The following RPA1 variants were observed in gnomAD, a reference collection of about 807,000 sequenced individuals.
RPA1 encodes the protein replication protein A 70 kDa DNA-binding subunit.
Under a neutral mutation model 83.0 loss-of-function variants are expected in RPA1, and 49 were observed. The observed-to-expected ratio is 0.59, with a 90% CI of 0.47 to 0.75. RPA1 has a LOEUF of 0.75. Ranked by LOEUF, RPA1 falls within the 30% of genes least tolerant of loss-of-function variation. The pLI is 0.00. For missense variants in RPA1, 693 were observed against 776.1 expected, an observed-to-expected ratio of 0.89 and a Z score of 1.27; for synonymous variants, 279 against 281.8, an observed-to-expected ratio of 0.99 and a Z score of 0.10.
intron 1 of RPA1, among the ~76,000 whole-genome samples, chr17:1,833,639 G>A (rs2151265059): frequency 6.6e-6 from 1 of 151,980 alleles, no homozygotes; most frequent in East Asian, 1.9e-4. Context: ...CAGATCACCT[G>A]AGATTGGGAG....
At position 1,879,391 on chromosome 17, in the gene RPA1, G is replaced by A. The variant is rs765247029; in HGVS notation, c.936G>A (p.Ser312=). The A allele has an allele frequency of 1.6e-5, 26 of 1,613,990 alleles. No homozygotes were observed. Among genetic ancestry groups the A allele is most frequent in the East Asian group, 1.1e-4 (5 of 44,896 alleles). Residue 312 remains serine, a synonymous_variant, in exon 10 of 17, where the codon TCG becomes TCA. Coordinates refer to ENST00000254719, the MANE Select transcript of RPA1 (RefSeq NM_002945.5). ...FTGIDDLENK[S]KDSLVDIIGI... The stretch of plus-strand genomic sequence containing the variant: ...GGATTGATGACCTCGAGAACAAGTC[G>A]AAAGACTCACTTGTAGGTAAGCTCG...
chr17:1,858,904 A>ATT (rs1258736709), intron 5 of RPA1, among the ~76,000 whole-genome samples: 8 of 79,082 alleles, frequency 1.0e-4, no homozygotes, highest in South Asian at 3.8e-4. Context: ...TTTTTATTTT[A>ATT]TTTTTTTTTT....
intron 15 of RPA1, among the ~76,000 whole-genome samples, chr17:1,892,768 C>G (rs921794817): frequency 6.6e-6 from 1 of 152,228 alleles, no homozygotes; most frequent in African/African-American, 2.4e-5. Context: ...CGGTGACTTT[C>G]TTCCGTAAGG....
At chr17:1,872,573 G>A (rs373032670) in intron 6 of RPA1, 47 bp downstream of exon 6, 9 of 1,599,032 alleles carry the variant, frequency 5.6e-6, no homozygotes, top group African/African-American at 5.3e-5. Context: ...GTCAGACTTC[G>A]GAATCATGTT....
intron 12 of RPA1, 63 bp downstream of exon 12, chr17:1,880,754 A>G (rs1913762318): frequency 1.3e-6 from 2 of 1,596,642 alleles, no homozygotes; most frequent in Non-Finnish European, 1.7e-6. Context: ...AGCTGGTTAC[A>G]ATCAGCATGG....
Position 1,841,835 on chromosome 17 carries a change from T to G in RPA1, c.34-968T>G, listed in dbSNP as rs373186740. Among the ~76,000 whole-genome samples the G allele has an allele frequency of 3.3e-5, 5 of 152,178 alleles. No homozygotes were observed. In the South Asian group the frequency reaches 6.2e-4, roughly 19 times the overall value. On this transcript the variant is annotated intron_variant, in intron 1 of 16. Transcript: ENST00000254719. ...TAGTTTGCTGAGACTTTATAATGAG[T>G]AAGTGTTGCCTTTTCCGTATCTATT... is the stretch of plus-strand genomic sequence containing the variant.
chr17:1,850,616 G>A (rs1312004010), intron 4 of RPA1, among the ~76,000 whole-genome samples: 2 of 151,120 alleles, frequency 1.3e-5, no homozygotes, highest in East Asian at 3.9e-4. Context: ...AAAATCCTAG[G>A]CTGTGCTGGT....
chr17:1,875,162 C>A lies in RPA1; in HGVS notation c.455-499C>A, dbSNP rs563784000. The stretch of plus-strand genomic sequence containing the variant: ...TCTTACAGACTTCATTCTAGACTTG[C>A]TAGTCCTTCAGACGCATTGAGATCT... On this transcript the variant is annotated intron_variant, in intron 6 of 16. Coordinates refer to ENST00000254719, the MANE Select transcript of RPA1 (RefSeq NM_002945.5). Among the ~76,000 whole-genome samples, 14 of 152,326 alleles carry A rather than the reference C, an allele frequency of 9.2e-5. No individual in the cohort carries two copies. The South Asian group carries it at 2.7e-3, about 29-fold the overall frequency.
intron 12 of RPA1, among the ~76,000 whole-genome samples, chr17:1,883,365 G>A (rs891240343): frequency 6.6e-6 from 1 of 152,056 alleles, no homozygotes; most frequent in Non-Finnish European, 1.5e-5. Context: ...GTTTCACCAT[G>A]TTGGCCAGGA....
At chr17:1,841,150 A>T (rs1912032680) in intron 1 of RPA1, among the ~76,000 whole-genome samples, 2 of 152,218 alleles carry the variant, frequency 1.3e-5, no homozygotes, top group South Asian at 4.1e-4. Context: ...GTTTATTGCT[A>T]GTATATTGAA....
At chr17:1,858,803 A>G (rs185251753) in intron 5 of RPA1, among the ~76,000 whole-genome samples, 4 of 152,160 alleles carry the variant, frequency 2.6e-5, no homozygotes, top group African/African-American at 9.6e-5. Flanking sequence ...CTTGATATCT[A>G]ATTTAATTCT....
intron 1 of RPA1, among the ~76,000 whole-genome samples, chr17:1,831,898 CTTTTTTTTTT>C (rs138268342): frequency 5.3e-5 from 2 of 37,816 alleles, no homozygotes; most frequent in East Asian, 7.9e-4. Context: ...TGTGCCCGGC[CTTTTTTTTTT>C]TTTTTTTTTT....
At chr17:1,849,144 G>A (rs955061582) in intron 4 of RPA1, among the ~76,000 whole-genome samples, 28 of 152,186 alleles carry the variant, frequency 1.8e-4, no homozygotes, top group Admixed American at 1.0e-3. Flanking sequence ...TGCCAACAGC[G>A]CGTGAGTGTG....
intron 5 of RPA1, among the ~76,000 whole-genome samples, chr17:1,863,674 CCAGT>C (rs1445120828): frequency 6.6e-6 from 1 of 152,146 alleles, no homozygotes; most frequent in Non-Finnish European, 1.5e-5. Flanking sequence ...ATTTAAATGG[CCAGT>C]CAGATTGAAG....
rs9914073 is a variant in RPA1 at position 1,898,298 on chromosome 17, A to C, written c.*1123A>C. On this transcript the variant is annotated 3_prime_UTR_variant, in exon 17 of 17. Coordinates refer to ENST00000254719, the MANE Select transcript of RPA1 (RefSeq NM_002945.5). ...TGCCTGAGGATGCTGATGATCTGGC[A>C]CTTGGGATTTTATTGATGTTTACGC... 6.6e-6 allele frequency: 1 copy of C among 152,072 alleles called. No individual in the cohort carries two copies. The highest frequency in any genetic ancestry group is 1.5e-5 in the Non-Finnish European group (1 of 68,018). The allele number at this position is 152,072 out of a possible 1,614,324, so 9.4% of individuals were successfully genotyped here.
rs913380482 is a variant in RPA1 at position 1,899,127 on chromosome 17, CCCAGGGGCAGTG to C, written c.*1960_*1971del. The C allele has an allele frequency of 6.5e-5, 10 of 152,858 alleles. No individual in the cohort carries two copies. Among genetic ancestry groups the C allele is most frequent in the Non-Finnish European group, 1.0e-4 (7 of 68,156 alleles). 9.5% of individuals were successfully genotyped at this position (152,858 alleles called of 1,614,324 possible). On this transcript the variant is annotated 3_prime_UTR_variant, in exon 17 of 17. Transcript: ENST00000254719. ...ACGTCTCCGTGGATGTGATTGGGAA[CCCAGGGGCAGTG>C]CCAGGGGGAGGGCTCCCTCGAGGAG...
At chr17:1,842,780 C>G in intron 1 of RPA1, 23 bp from the exon 2 acceptor site, 4 of 1,611,814 alleles carry the variant, frequency 2.5e-6, no homozygotes, top group Non-Finnish European at 3.4e-6. Flanking sequence ...GTATCTCACA[C>G]AAACCTGTTT....
At chr17:1,839,055 G>A (rs763036667) in intron 1 of RPA1, among the ~76,000 whole-genome samples, 3 of 151,926 alleles carry the variant, frequency 2.0e-5, no homozygotes, top group Non-Finnish European at 2.9e-5. Context: ...GTATTTCACC[G>A]TGTTAGCCGG....
chr17:1,852,287 C>T (rs549324477), intron 4 of RPA1, among the ~76,000 whole-genome samples: 10 of 152,100 alleles, frequency 6.6e-5, no homozygotes, highest in South Asian at 4.2e-4. Context: ...ATAATTAAGA[C>T]GGAGCAGAGT....
Sources: allele counts gnomAD v4.1 joint callset (sites outside exome capture counted in the v4.1 genomes callset), GRCh38; gene constraint gnomAD v4.1.1; transcripts MANE v1.5; gene names NCBI Gene and HGNC (gene_info 2026-07-23, HGNC 2026-07-21).